Variants in PLS3 observed in about 807,000 individuals in gnomAD.
The protein encoded by PLS3 is plastin-3.
In PLS3, 11 loss-of-function variants were observed where a neutral mutation model predicts 46.5. That is an observed-to-expected ratio of 0.24 (90% CI 0.15 to 0.39). The LOEUF is 0.39. Ranked by LOEUF, PLS3 falls within the 10% of genes least tolerant of loss-of-function variation. The probability of loss-of-function intolerance (pLI) is 1.00; values close to 1 mark genes in which losing one functional copy is unlikely to be tolerated. For synonymous variants in PLS3, 167 were observed against 162.2 expected (o/e 1.03, Z -0.22); for missense variants, 308 against 461.8 (o/e 0.67, Z 3.05).
chrX:115,648,497 G>A (rs1556642054), intron 15 of PLS3, among the ~76,000 whole-genome samples: 1 of 110,999 alleles, frequency 9.0e-6, no homozygotes, highest in Non-Finnish European at 1.9e-5. Context: ...AGAAGACTAT[G>A]CCTTGAAAGT....
chrX:115,568,211 A>C (rs1556630342), intron 1 of PLS3, among the ~76,000 whole-genome samples: 1 of 111,872 alleles, frequency 8.9e-6, no homozygotes. Context: ...AAATGATACG[A>C]AATTGTCCCT....
At chrX:115,604,457 A>T (rs1320217575) in intron 1 of PLS3, among the ~76,000 whole-genome samples, 3 of 111,988 alleles carry the variant, frequency 2.7e-5, no homozygotes, top group African/African-American at 9.7e-5. Flanking sequence ...TATTATTATC[A>T]CTATTTTCAA....
intron 2 of PLS3, among the ~76,000 whole-genome samples, chrX:115,616,567 G>C (rs1262388816): frequency 8.9e-6 from 1 of 112,222 alleles, no homozygotes; most frequent in Non-Finnish European, 1.9e-5. Flanking sequence ...TGAGATGGAA[G>C]CTTTCTAAAA....
chrX:115,601,988 G>C (rs781891538), intron 1 of PLS3, among the ~76,000 whole-genome samples: 20 of 111,841 alleles, frequency 1.8e-4, no homozygotes, highest in African/African-American at 6.2e-4. Context: ...GCTGCTGCGA[G>C]TGTGTCTGTC....
chrX:115,584,889 G>A (rs1214266335), intron 1 of PLS3, among the ~76,000 whole-genome samples: 3 of 112,028 alleles, frequency 2.7e-5, no homozygotes, highest in African/African-American at 9.7e-5. Context: ...AGTGAAATAA[G>A]ATGATGGGTT....
chrX:115,614,636 A>G, intron 2 of PLS3: 1 of 507,252 alleles, frequency 2.0e-6, no homozygotes, highest in Non-Finnish European at 2.4e-6. Flanking sequence ...GCTTGATTTC[A>G]CTGCTTAGAT....
rs7891043 is a variant in PLS3 at position 115,565,268 on chromosome X, C to T, written c.-9+4008C>T. Among the ~76,000 whole-genome samples, 268 of 111,470 alleles carry T rather than the reference C, an allele frequency of 2.4e-3. 4 individuals are homozygous for T. The highest frequency in any genetic ancestry group is 8.4e-3 in the African/African-American group (257 of 30,759). ...ATAAATTTAATAATACCAAATTTTGCCTTAGTCTTGACACTTGGAAGATAA... is the reference window on the plus strand; with the variant it reads ...ATAAATTTAATAATACCAAATTTTGTCTTAGTCTTGACACTTGGAAGATAA... On this transcript the variant is annotated intron_variant, in intron 1 of 15. Transcript: ENST00000355899.
intron 6 of PLS3, 108 bp from the exon 7 acceptor site, chrX:115,634,773 A>G (rs1190713707): frequency 2.8e-6 from 2 of 710,359 alleles, no homozygotes; most frequent in Non-Finnish European, 4.2e-6. Flanking sequence ...TGAAATTAAT[A>G]CAGGGTATTA....
chrX:115,643,295 C>G lies in PLS3; in HGVS notation c.988-18C>G, dbSNP rs1556641246. 9.0e-7 allele frequency: 1 copy of G among 1,116,952 alleles called. No homozygotes were observed. The highest frequency in any genetic ancestry group is 2.3e-5 in the Admixed American group (1 of 44,168). 92.0% of individuals were successfully genotyped at this position (1,116,952 alleles called of 1,213,427 possible). A position where few individuals can be genotyped will look rare whatever the true frequency, so the allele number is the denominator to read the frequency against. On this transcript the variant is annotated intron_variant, in intron 9 of 15. Transcript: ENST00000355899. ...TTAGTGTGGCCTTTGACAAAGTCTTCCGATTTTGTTTCAACAGGAAACAGA... is the reference window on the plus strand; with the variant it reads ...TTAGTGTGGCCTTTGACAAAGTCTTGCGATTTTGTTTCAACAGGAAACAGA...
At position 115,610,758 on chromosome X, in the gene PLS3, G is replaced by A. The variant is rs782007992; in HGVS notation, c.73+435G>A. On this transcript the variant is annotated intron_variant, in intron 2 of 15. Coordinates refer to ENST00000355899, the MANE Select transcript of PLS3 (RefSeq NM_005032.7). Reference sequence around the variant, plus strand: ...TTTACCCTTCCTTAATTAGTTTGGCGTTATTGACTTTTTTATGGGTTTTCT... The same window carrying A: ...TTTACCCTTCCTTAATTAGTTTGGCATTATTGACTTTTTTATGGGTTTTCT... 19 of 499,984 alleles carry A rather than the reference G, an allele frequency of 3.8e-5. 1 individual carries two copies. In the Admixed American group the frequency reaches 4.7e-4, roughly 12 times the overall value. The allele number at this position is 499,984 out of a possible 1,213,427, so 41.2% of individuals were successfully genotyped here.
chrX:115,639,615 G>A, intron 8 of PLS3: 1 of 295,226 alleles, frequency 3.4e-6, no homozygotes, highest in South Asian at 3.1e-5. Flanking sequence ...CAGGATTAAG[G>A]AATCTTGACT....
At chrX:115,570,826 C>T (rs2074209677) in intron 1 of PLS3, among the ~76,000 whole-genome samples, 1 of 108,300 alleles carries the variant, frequency 9.2e-6, no homozygotes, top group East Asian at 2.9e-4. Context: ...GTGAAGGATT[C>T]TAGCCATGTT....
rs2074992813 is a variant in PLS3, at chrX:115,650,624, G to A, written c.*1063G>A. ...TGTTACTCTAACTCTGAAAAGTGATGTAATCTGGTAGCAATGTAGTAGTTC... is the reference window on the plus strand; with the variant it reads ...TGTTACTCTAACTCTGAAAAGTGATATAATCTGGTAGCAATGTAGTAGTTC... On this transcript the variant is annotated 3_prime_UTR_variant, in exon 16 of 16. Coordinates refer to ENST00000355899, the MANE Select transcript of PLS3 (RefSeq NM_005032.7). The A allele has an allele frequency of 8.9e-6, 1 of 112,453 alleles. No individual in the cohort carries two copies. The highest frequency in any genetic ancestry group is 9.6e-5 in the Admixed American group (1 of 10,467). 9.3% of individuals were successfully genotyped at this position (112,453 alleles called of 1,213,427 possible).
intron 13 of PLS3, among the ~76,000 whole-genome samples, chrX:115,646,985 C>T (rs1556641793): frequency 8.9e-6 from 1 of 112,126 alleles, no homozygotes; most frequent in Non-Finnish European, 1.9e-5. Flanking sequence ...CAAAATGTGC[C>T]TACAGTGGGC....
At chrX:115,582,854 C>A (rs782280274) in intron 1 of PLS3, among the ~76,000 whole-genome samples, 1 of 112,107 alleles carries the variant, frequency 8.9e-6, no homozygotes, top group African/African-American at 3.2e-5. Flanking sequence ...GCCTGGGCAA[C>A]GTGGCGAAAG....
chrX:115,582,428 A>C (rs781789225), intron 1 of PLS3, among the ~76,000 whole-genome samples: 2 of 112,540 alleles, frequency 1.8e-5, no homozygotes, highest in Admixed American at 1.9e-4. Context: ...TCCAGTCTGT[A>C]GTAGTCTGAT....
chrX:115,641,079 A>G lies in PLS3; in HGVS notation c.987+576A>G, dbSNP rs782738880. ...ATAAAGTAAGGAGTTAGAGTGAACT[A>G]TTTAGTCCCAAGTTTCTAGGAATCT... On this transcript the variant is annotated intron_variant, in intron 9 of 15. Transcript: ENST00000355899. Among the ~76,000 whole-genome samples the G allele has an allele frequency of 2.8e-4, 31 of 110,871 alleles. 1 individual carries two copies. The South Asian group carries it at 0.012, about 42-fold the overall frequency.
chrX:115,563,461 T>G (rs1473077725), intron 1 of PLS3, among the ~76,000 whole-genome samples: 1 of 110,943 alleles, frequency 9.0e-6, no homozygotes, highest in Admixed American at 9.7e-5. Flanking sequence ...TGGGAAAACG[T>G]GGCAATTTGG....
intron 5 of PLS3, among the ~76,000 whole-genome samples, chrX:115,633,527 G>A (rs1249017567): frequency 1.0e-4 from 11 of 110,542 alleles, no homozygotes; most frequent in African/African-American, 3.6e-4. Context: ...GTCTTGCTCT[G>A]TTGCCCAGGC....
Sources: allele counts gnomAD v4.1 joint callset (sites outside exome capture counted in the v4.1 genomes callset), GRCh38; gene constraint gnomAD v4.1.1; transcripts MANE v1.5; gene names NCBI Gene and HGNC (gene_info 2026-07-23, HGNC 2026-07-21).